Variants in GPR183 observed in about 807,000 individuals in gnomAD.
GPR183 encodes the protein G protein-coupled receptor 183.
Under a neutral mutation model 19.7 loss-of-function variants are expected in GPR183, and 9 were observed. The ratio of observed to expected loss-of-function variants is 0.46; its 90% CI spans 0.28 to 0.80. GPR183 has a LOEUF of 0.80. Among genes scored for constraint, GPR183 ranks in the 30% least tolerant of loss-of-function variants. The probability of loss-of-function intolerance (pLI) is 0.13; values close to 1 mark genes in which losing one functional copy is unlikely to be tolerated. For synonymous variants in GPR183, 160 were observed against 155.1 expected (o/e 1.03, Z -0.24); for missense variants, 368 against 446.7 (o/e 0.82, Z 1.59).
At chr13:99,303,779 G>A (rs1412274547) in intron 1 of GPR183, among the ~76,000 whole-genome samples, 1 of 152,098 alleles carries the variant, frequency 6.6e-6, no homozygotes, top group Non-Finnish European at 1.5e-5. Context: ...TGGAAATTAG[G>A]GAGGAACATT....
chr13:99,294,960 A>C lies in GPR183; in HGVS notation c.*100T>G. 7.5e-7 allele frequency: 1 copy of C among 1,340,466 alleles called. No homozygotes were observed. Among genetic ancestry groups the C allele is most frequent in the Non-Finnish European group, 1.0e-6 (1 of 981,290 alleles). The allele number at this position is 1,340,466 out of a possible 1,614,324, so 83.0% of individuals were successfully genotyped here. On this transcript the variant is annotated 3_prime_UTR_variant, in exon 2 of 2. Transcript: ENST00000376414. ...GTGCCCAATGAAAGAAATATAAAAG[A>C]ATACTAATTGGAAGCTGAACAATTA...
Position 99,294,822 on chromosome 13 carries a change from T to TG in GPR183, c.*237dup. ...GGGAGTTATTAAGAGCGCCTCCTTT[T>TG]GGTGTATTCGTTTACAAATAAAAAT... On this transcript the variant is annotated 3_prime_UTR_variant, in exon 2 of 2. Transcript: ENST00000376414. 2.7e-6 allele frequency: 1 copy of TG among 365,878 alleles called. No homozygotes were observed. Among genetic ancestry groups the TG allele is most frequent in the East Asian group, 4.8e-5 (1 of 20,798 alleles). The allele number at this position is 365,878 out of a possible 1,614,324, so 22.7% of individuals were successfully genotyped here.
Position 99,296,559 on chromosome 13 carries a change from A to C in GPR183, c.-18-396T>G, listed in dbSNP as rs1466889268. On this transcript the variant is annotated intron_variant, in intron 1 of 1. Transcript: ENST00000376414. ...AAAGCACCCCACATTTCAGACAGGC[A>C]TTAAGCTTTGCTTTTAAATTTAATT... 4.6e-5 allele frequency among the ~76,000 whole-genome samples: 7 copies of C among 152,224 alleles called. No individual in the cohort carries two copies. The East Asian group carries it at 1.3e-3, about 29-fold the overall frequency.
chr13:99,302,804 T>C (rs1201830845), intron 1 of GPR183, among the ~76,000 whole-genome samples: 1 of 152,216 alleles, frequency 6.6e-6, no homozygotes, highest in Non-Finnish European at 1.5e-5. Context: ...AATAATACGC[T>C]GCTAACCAAC....
In GPR183 at chr13:99,294,932, A is replaced by T. The variant is rs2044145055; in HGVS notation, c.*128T>A. The T allele has an allele frequency of 2.9e-6, 3 of 1,020,918 alleles. No homozygotes were observed. The highest frequency in any genetic ancestry group is 4.2e-6 in the Non-Finnish European group (3 of 708,946). 63.2% of individuals were successfully genotyped at this position (1,020,918 alleles called of 1,614,324 possible). On this transcript the variant is annotated 3_prime_UTR_variant, in exon 2 of 2. Transcript: ENST00000376414. ...GGCTTACTTCCGAGTTGGAGATGGGAAAGTGCCCAATGAAAGAAATATAAA... is the reference window on the plus strand; with the variant it reads ...GGCTTACTTCCGAGTTGGAGATGGGTAAGTGCCCAATGAAAGAAATATAAA...
At chr13:99,303,930 G>A (rs139112601) in intron 1 of GPR183, among the ~76,000 whole-genome samples, 4 of 152,238 alleles carry the variant, frequency 2.6e-5, no homozygotes, top group Admixed American at 6.5e-5. Flanking sequence ...TCTGGTCAGC[G>A]AGCAGTCCCT....
At chr13:99,296,660 A>G (rs1005767322) in intron 1 of GPR183, among the ~76,000 whole-genome samples, 14 of 152,216 alleles carry the variant, frequency 9.2e-5, no homozygotes, top group African/African-American at 2.7e-4. Flanking sequence ...ATGTAGTGAA[A>G]TATGAACTTA....
chr13:99,305,512 C>T (rs1049483351), intron 1 of GPR183, among the ~76,000 whole-genome samples: 1 of 152,310 alleles, frequency 6.6e-6, no homozygotes, highest in African/African-American at 2.4e-5. Flanking sequence ...GACTTGATCT[C>T]ATCCAACATT....
chr13:99,295,952 G>A lies in GPR183; in HGVS notation c.194C>T (p.Ser65Phe). ...VIVQNRKKINSTTLYSTNLVI... is the reference protein window; with the variant it reads ...VIVQNRKKINFTTLYSTNLVI... ...CAAATTTGTTGAATAGAGGGTGGTA[G>A]AGTTGATTTTTTTCCTGTTTTGAAC... Residue 65 changes from serine to phenylalanine, a missense_variant, in exon 2 of 2, where the codon TCT (serine) becomes TTT (phenylalanine). Transcript: ENST00000376414. This position sits in a 1 kb window ranked among gnomAD's most constrained non-coding sequence, Gnocchi z 4.1. 6.2e-7 allele frequency: 1 copy of A among 1,614,120 alleles called. No homozygotes were observed. The highest frequency in any genetic ancestry group is 8.5e-7 in the Non-Finnish European group (1 of 1,179,978).
chr13:99,301,139 C>T (rs1419635159), intron 1 of GPR183, among the ~76,000 whole-genome samples: 2 of 152,170 alleles, frequency 1.3e-5, no homozygotes, highest in African/African-American at 4.8e-5. Context: ...TGAAAAGATG[C>T]ACGTGGCCCC....
chr13:99,300,230 G>A (rs1344480192), intron 1 of GPR183, among the ~76,000 whole-genome samples: 4 of 152,210 alleles, frequency 2.6e-5, no homozygotes, highest in Non-Finnish European at 4.4e-5. Context: ...CTTAACTGAC[G>A]ACCGTTGTGC....
chr13:99,306,775 C>T (rs2044343019), intron 1 of GPR183, among the ~76,000 whole-genome samples: 1 of 151,938 alleles, frequency 6.6e-6, no homozygotes, highest in Non-Finnish European at 1.5e-5. Flanking sequence ...TAGTATTTAG[C>T]ATTTAAAAAG....
chr13:99,295,945 G>A lies in GPR183; in HGVS notation c.201C>T (p.Thr67=). The A allele has an allele frequency of 6.2e-7, 1 of 1,613,976 alleles. No individual in the cohort carries two copies. The highest frequency in any genetic ancestry group is 8.5e-7 in the Non-Finnish European group (1 of 1,179,934). Residue 67 remains threonine (T), a synonymous_variant, in exon 2 of 2, where the codon ACC becomes ACT. Coordinates refer to ENST00000376414, the MANE Select transcript of GPR183 (RefSeq NM_004951.5). The surrounding 1 kb of genome is among the most constrained non-coding windows in gnomAD (Gnocchi z 4.1). ...AAATCACCAAATTTGTTGAATAGAGGGTGGTAGAGTTGATTTTTTTCCTGT... is the reference window on the plus strand; with the variant it reads ...AAATCACCAAATTTGTTGAATAGAGAGTGGTAGAGTTGATTTTTTTCCTGT... The part of the protein sequence containing the change: ...VQNRKKINST[T]LYSTNLVISD...
chr13:99,303,667 TATA>T (rs1390587690), intron 1 of GPR183, among the ~76,000 whole-genome samples: 1 of 152,210 alleles, frequency 6.6e-6, no homozygotes, highest in Admixed American at 6.5e-5. Flanking sequence ...GCTCTGTGTC[TATA>T]ATATTTCTCC....
In GPR183 at chr13:99,295,538, A is replaced by T. The variant is rs774469999; in HGVS notation, c.608T>A (p.Ile203Lys). The part of the protein sequence containing the change: ...LPWILLGACF[I>K]GYVLPLIIIL... The stretch of plus-strand genomic sequence containing the variant: ...GATTATAAGTGGAAGTACATATCCT[A>T]TGAAACATGCCCCAAGCAGAATCCA... Residue 203 changes from isoleucine (I) to lysine (K), a missense_variant, in exon 2 of 2, where the codon ATA (isoleucine) becomes AAA (lysine). Ile to Lys is a moderately radical substitution (Grantham distance 102, BLOSUM62 -3). Coordinates refer to ENST00000376414, the MANE Select transcript of GPR183 (RefSeq NM_004951.5). The surrounding 1 kb of genome is among the most constrained non-coding windows in gnomAD (Gnocchi z 4.1). 1.2e-6 allele frequency: 2 copies of T among 1,614,026 alleles called. No homozygotes were observed. The highest frequency in any genetic ancestry group is 2.2e-5 in the South Asian group (2 of 91,078).
rs2044154635 is a variant in GPR183, at chr13:99,295,402, A to G, written c.744T>C (p.Leu248=). ...AACAGAGAACAAACACAACAATAAT[A>G]AGAATAATTGTGTTGAGAGCCTTTT... is the stretch of plus-strand genomic sequence containing the variant. ...VNKKALNTII[L]IIVVFVLCFT... Residue 248 remains leucine, a synonymous_variant, in exon 2 of 2, where the codon CTT becomes CTC. Transcript: ENST00000376414. This position sits in a 1 kb window ranked among gnomAD's most constrained non-coding sequence, Gnocchi z 4.1. 1 of 1,613,884 alleles carries G rather than the reference A, an allele frequency of 6.2e-7. No homozygotes were observed. Among genetic ancestry groups the G allele is most frequent in the Admixed American group, 1.7e-5 (1 of 60,006 alleles).
At chr13:99,306,941 C>T (rs994950913) in intron 1 of GPR183, among the ~76,000 whole-genome samples, 22 of 152,114 alleles carry the variant, frequency 1.4e-4, no homozygotes, top group Non-Finnish European at 2.6e-4. Context: ...TCTTATATTT[C>T]TAATAATTCC....
chr13:99,296,376 G>A (rs1234055504), intron 1 of GPR183, among the ~76,000 whole-genome samples: 1 of 152,108 alleles, frequency 6.6e-6, no homozygotes, highest in African/African-American at 2.4e-5. Context: ...AATAAAATTT[G>A]TGTTTTTACT....
intron 1 of GPR183, among the ~76,000 whole-genome samples, chr13:99,300,504 C>T (rs944892769): frequency 6.6e-6 from 1 of 152,186 alleles, no homozygotes; most frequent in African/African-American, 2.4e-5. Flanking sequence ...CTGTTACTAT[C>T]CCATTCTTAT....
Sources: gnomAD v4.1 joint callset for allele counts (sites outside exome capture counted in the v4.1 genomes callset) on GRCh38, gnomAD v4.1.1 for gene constraint, Gnocchi (gnomAD v3.1) non-coding constraint, MANE v1.5 for transcripts, NCBI Gene and HGNC (gene_info 2026-07-23, HGNC 2026-07-21) for gene names.